The following VIM variants were observed in gnomAD, a reference collection of about 807,000 sequenced individuals.
VIM encodes the protein vimentin.
In VIM, 18 loss-of-function variants were observed where a neutral mutation model predicts 50.3. The ratio of observed to expected loss-of-function variants is 0.36; its 90% CI spans 0.25 to 0.53. The LOEUF (loss-of-function observed/expected upper bound fraction) is 0.53, where lower values mean the gene tolerates loss of function less well. Ranked by LOEUF, VIM falls within the 20% of genes least tolerant of loss-of-function variation. VIM has a pLI of 0.91. For synonymous variants in VIM, 245 were observed against 248.5 expected (o/e 0.99, Z 0.13); for missense variants, 551 against 614.7 (o/e 0.90, Z 1.10).
Position 17,229,435 on chromosome 10 carries a change from T to A in VIM, c.13T>A (p.Ser5Thr). ...ACCCTCCGCAGCCATGTCCACCAGG[T>A]CCGTGTCCTCGTCCTCCTACCGCAG... The part of the protein sequence containing the change: MSTR[S>T]VSSSSYRRMF... Residue 5 changes from serine to threonine, a missense_variant, in exon 2 of 10, where the codon TCC becomes ACC. Ser to Thr is a moderately conservative substitution (Grantham distance 58). Transcript: ENST00000544301. The A allele has an allele frequency of 6.2e-7, 1 of 1,605,248 alleles. No individual in the cohort carries two copies. The highest frequency in any genetic ancestry group is 8.5e-7 in the Non-Finnish European group (1 of 1,178,864).
rs146021597 is a variant in VIM, at chr10:17,236,258, C to T, written c.1274-36C>T. On this transcript the variant is annotated intron_variant, in intron 8 of 9. Coordinates refer to ENST00000544301, the MANE Select transcript of VIM (RefSeq NM_003380.5). ...TACTTGGTTTTTCCAAGAAAAAACT[C>T]GTTTTTACTCATTTTTGGCCTGTTT... 36 of 1,497,942 alleles carry T rather than the reference C, an allele frequency of 2.4e-5. No individual in the cohort carries two copies. In the East Asian group the frequency reaches 5.9e-4, roughly 24 times the overall value. 92.8% of individuals were successfully genotyped at this position (1,497,942 alleles called of 1,614,324 possible).
At chr10:17,233,970 C>G (rs747897483) in intron 5 of VIM, 39 bp downstream of exon 5, 1 of 1,585,008 alleles carries the variant, frequency 6.3e-7, no homozygotes, top group Non-Finnish European at 8.6e-7. Flanking sequence ...CAAAGAAAAG[C>G]ATTGTGTTCT....
rs1052221871 is a variant in VIM, at chr10:17,237,217, T to G, written c.1360-13T>G. Reference sequence around the variant, plus strand: ...GTGGCATTATATTTATTTTGGTTTTTTTTTTTAAACAGGTTATCAACGAAA... The same window carrying G: ...GTGGCATTATATTTATTTTGGTTTTGTTTTTTAAACAGGTTATCAACGAAA... On this transcript the variant is annotated splice_polypyrimidine_tract_variant and intron_variant, in intron 9 of 9. Transcript: ENST00000544301. 3.1e-6 allele frequency: 5 copies of G among 1,598,110 alleles called. No individual in the cohort carries two copies. Among genetic ancestry groups the G allele is most frequent in the African/African-American group, 1.3e-5 (1 of 74,726 alleles).
rs748278063 is a variant in VIM at position 17,229,391 on chromosome 10, C to G, written c.-32C>G. 6.4e-7 allele frequency: 1 copy of G among 1,574,384 alleles called. No individual in the cohort carries two copies. The highest frequency in any genetic ancestry group is 8.6e-7 in the Non-Finnish European group (1 of 1,166,558). On this transcript the variant is annotated 5_prime_UTR_variant, in exon 2 of 10. Transcript: ENST00000544301. ...TCCGGGAGCCAGTCCGCGCCACCGCCGCCGCCCAGGCCATCGCCACCCTCC... is the reference window on the plus strand; with the variant it reads ...TCCGGGAGCCAGTCCGCGCCACCGCGGCCGCCCAGGCCATCGCCACCCTCC...
intron 5 of VIM, 149 bp from the exon 6 acceptor site, chr10:17,234,544 T>G: frequency 9.1e-7 from 1 of 1,101,042 alleles, no homozygotes; most frequent in Non-Finnish European, 1.3e-6. Context: ...AATACTAATG[T>G]CAGTACTCCA....
At chr10:17,230,414 G>A in intron 2 of VIM, 1 of 602,074 alleles carries the variant, frequency 1.7e-6, no homozygotes, top group Non-Finnish European at 3.0e-6. Context: ...CTCGGGGGCG[G>A]GGATGGCGGG....
At chr10:17,231,504 A>G (rs1407075456) in intron 3 of VIM, among the ~76,000 whole-genome samples, 1 of 152,214 alleles carries the variant, frequency 6.6e-6, no homozygotes, top group Non-Finnish European at 1.5e-5. Flanking sequence ...GAAGCTTTGC[A>G]ACAGGCTACA....
intron 6 of VIM, 175 bp downstream of exon 6, chr10:17,234,993 C>G: frequency 8.3e-7 from 1 of 1,199,490 alleles, no homozygotes; most frequent in Non-Finnish European, 1.2e-6. Context: ...AAGGTTTTAG[C>G]TTGCCTATAT....
rs1026333067 is a variant in VIM, at chr10:17,237,475, A to G, written c.*204A>G. 16 of 558,612 alleles carry G rather than the reference A, an allele frequency of 2.9e-5. No individual in the cohort carries two copies. In the Admixed American group the frequency reaches 5.4e-4, roughly 19 times the overall value. 34.6% of individuals were successfully genotyped at this position (558,612 alleles called of 1,614,324 possible). ...TTTACAACATAATCTAGTTTACAGAAAAATCTTGTGCTAGAATACTTTTTA... is the reference window on the plus strand; with the variant it reads ...TTTACAACATAATCTAGTTTACAGAGAAATCTTGTGCTAGAATACTTTTTA... On this transcript the variant is annotated 3_prime_UTR_variant, in exon 10 of 10. Transcript: ENST00000544301.
At chr10:17,235,140 A>C in intron 6 of VIM, 29 bp from the exon 7 acceptor site, 1 of 1,610,922 alleles carries the variant, frequency 6.2e-7, no homozygotes, top group Non-Finnish European at 8.5e-7. Context: ...CTGAGAAATA[A>C]CACCAGACAT....
rs903222283 is a variant in VIM, at chr10:17,228,339, A to C, written c.-333A>C. ...AAAGACAGGCTTTAGCGAGTTATTA[A>C]AAACTTAGGGGCGCTCTTGTCCCCC... On this transcript the variant is annotated 5_prime_UTR_variant, in exon 1 of 10. Coordinates refer to ENST00000544301, the MANE Select transcript of VIM (RefSeq NM_003380.5). The C allele has an allele frequency of 6.6e-6, 1 of 152,246 alleles. No individual in the cohort carries two copies. The highest frequency in any genetic ancestry group is 1.5e-5 in the Non-Finnish European group (1 of 68,042). The allele number at this position is 152,246 out of a possible 1,614,324, so 9.4% of individuals were successfully genotyped here. A position where few individuals can be genotyped will look rare whatever the true frequency, so the allele number is the denominator to read the frequency against.
Position 17,229,644 on chromosome 10 carries a change from G to T in VIM, c.222G>T (p.Val74=). ...CTGCCGTGCGCCTGCGGAGCAGCGTGCCCGGGGTGCGGCTCCTGCAGGACT... is the reference window on the plus strand; with the variant it reads ...CTGCCGTGCGCCTGCGGAGCAGCGTTCCCGGGGTGCGGCTCCTGCAGGACT... ...RSSAVRLRSS[V]PGVRLLQDSV... is the part of the protein sequence containing the mutation. Residue 74 remains valine, a synonymous_variant, in exon 2 of 10, where the codon GTG becomes GTT. Transcript: ENST00000544301. The T allele has an allele frequency of 6.4e-7, 1 of 1,569,354 alleles. No homozygotes were observed. The highest frequency in any genetic ancestry group is 1.2e-5 in the South Asian group (1 of 86,102).
intron 3 of VIM, chr10:17,231,020 T>G: frequency 2.9e-6 from 1 of 348,176 alleles, no homozygotes; most frequent in Non-Finnish European, 5.4e-6. Context: ...CTTGAATGAT[T>G]TCTAAGCAGT....
chr10:17,229,505 G>A lies in VIM; in HGVS notation c.83G>A (p.Arg28Gln). Residue 28 changes from arginine to glutamine, a missense_variant, in exon 2 of 10, where the codon CGG (arginine) becomes CAG (glutamine). Around this residue, in one of 3 missense-constraint regions of VIM, gnomAD observed 134 missense variants for 126.4 expected, o/e 1.06. Transcript: ENST00000544301. ...PGTASRPSSS[R>Q]SYVTTSTRTY... ...ACCGCGAGCCGGCCGAGCTCCAGCC[G>A]GAGCTACGTGACTACGTCCACCCGC... 1 of 1,607,978 alleles carries A rather than the reference G, an allele frequency of 6.2e-7. No homozygotes were observed. Among genetic ancestry groups the A allele is most frequent in the South Asian group, 1.1e-5 (1 of 90,808 alleles).
At position 17,229,318 on chromosome 10, in the gene VIM, A is replaced by C. The variant is rs1242186290; in HGVS notation, c.-105A>C. On this transcript the variant is annotated 5_prime_UTR_variant, in exon 2 of 10. Coordinates refer to ENST00000544301, the MANE Select transcript of VIM (RefSeq NM_003380.5). Reference sequence around the variant, plus strand: ...TCCGAGGTCCCCGCGCCAGAGACGCAGCCGCGCTCCCACCACCCACACCCA... The same window carrying C: ...TCCGAGGTCCCCGCGCCAGAGACGCCGCCGCGCTCCCACCACCCACACCCA... 4.1e-6 allele frequency: 5 copies of C among 1,225,250 alleles called. No homozygotes were observed. Among genetic ancestry groups the C allele is most frequent in the Non-Finnish European group, 5.7e-6 (5 of 873,792 alleles). 75.9% of individuals were successfully genotyped at this position (1,225,250 alleles called of 1,614,324 possible).
rs751384608 is a variant in VIM at position 17,230,640 on chromosome 10, A to T, written c.564-10A>T. The T allele has an allele frequency of 8.7e-6, 14 of 1,613,980 alleles. 1 individual carries two copies. The highest frequency in any genetic ancestry group is 1.2e-5 in the Non-Finnish European group (14 of 1,179,978). The stretch of plus-strand genomic sequence containing the variant: ...CTCGTTCCCCTTTGGTTAATGCGCA[A>T]CTGTTTCAGATTGCAGGAGGAGATG... On this transcript the variant is annotated splice_polypyrimidine_tract_variant and intron_variant, in intron 2 of 9. Transcript: ENST00000544301.
At chr10:17,230,422 G>A (rs1484882196) in intron 2 of VIM, 2 of 611,228 alleles carry the variant, frequency 3.3e-6, no homozygotes, top group Non-Finnish European at 5.9e-6. Context: ...CGGGGATGGC[G>A]GGGCTGTCCT....
Position 17,235,207 on chromosome 10 carries a change from G to T in VIM, c.1047G>T (p.Glu349Asp). ...AACGCCAGATGCGTGAAATGGAAGA[G>T]AACTTTGCCGTTGAAGCTGCTAACT... ...SLERQMREME[E>D]NFAVEAANYQ... Residue 349 changes from glutamate to aspartate, a missense_variant, in exon 7 of 10, where the codon GAG (glutamate) becomes GAT (aspartate). Glu to Asp is a conservative substitution (Grantham distance 45). Coordinates refer to ENST00000544301, the MANE Select transcript of VIM (RefSeq NM_003380.5). 1.2e-6 allele frequency: 2 copies of T among 1,614,254 alleles called. No homozygotes were observed. The highest frequency in any genetic ancestry group is 1.1e-5 in the South Asian group (1 of 91,090).
chr10:17,229,710 C>T lies in VIM; in HGVS notation c.288C>T (p.Phe96=). The change falls in exon 2 of 10, where the codon TTC becomes TTT. Residue 96 remains phenylalanine (F), a synonymous_variant. Transcript: ENST00000544301. ...FSLADAINTE[F]KNTRTNEKVE... ...TGGCCGACGCCATCAACACCGAGTTCAAGAACACCCGCACCAACGAGAAGG... is the reference window on the plus strand; with the variant it reads ...TGGCCGACGCCATCAACACCGAGTTTAAGAACACCCGCACCAACGAGAAGG... 1.3e-6 allele frequency: 2 copies of T among 1,574,210 alleles called. No homozygotes were observed. The highest frequency in any genetic ancestry group is 1.7e-6 in the Non-Finnish European group (2 of 1,159,230).
Sources: allele counts gnomAD v4.1 joint callset (sites outside exome capture counted in the v4.1 genomes callset), GRCh38; gene constraint gnomAD v4.1.1; regional missense constraint gnomAD v4.1.1; transcripts MANE v1.5; gene names NCBI Gene and HGNC (gene_info 2026-07-23, HGNC 2026-07-21).